The following EIF2AK3 variants were observed in gnomAD, a reference collection of about 807,000 sequenced individuals.
EIF2AK3 encodes the protein eukaryotic translation initiation factor 2 alpha kinase 3.
EIF2AK3 carries 50 observed loss-of-function variants against 113.5 expected under a neutral mutation model. That is an observed-to-expected ratio of 0.44 (90% confidence interval 0.35 to 0.56). EIF2AK3 has a LOEUF of 0.56. Among genes scored for constraint, EIF2AK3 ranks in the 20% least tolerant of loss-of-function variants. The probability of loss-of-function intolerance (pLI) is 0.00; values close to 1 mark genes in which losing one functional copy is unlikely to be tolerated. For missense variants in EIF2AK3, 1,185 were observed against 1,378.0 expected (o/e 0.86, Z 2.22); for synonymous variants, 448 against 495.4 (o/e 0.90, Z 1.27).
chr2:88,557,041 TTTC>T lies in EIF2AK3; in HGVS notation c.*692_*694del, dbSNP rs1454906362. 6.6e-6 allele frequency: 1 copy of T among 152,590 alleles called. No individual in the cohort carries two copies. Among genetic ancestry groups the T allele is most frequent in the Non-Finnish European group, 1.5e-5 (1 of 68,106 alleles). 9.5% of individuals were successfully genotyped at this position (152,590 alleles called of 1,614,324 possible). A position where few individuals can be genotyped will look rare whatever the true frequency, so the allele number is the denominator to read the frequency against. The stretch of plus-strand genomic sequence containing the variant: ...AGTTAGTTGTAATATATATGATCCA[TTTC>T]TTACTACGGCTTTTTTCCTCCCAAA... On this transcript the variant is annotated 3_prime_UTR_variant, in exon 17 of 17. Transcript: ENST00000303236.
At chr2:88,627,481 A>C, upstream of EIF2AK3, 2 of 560,544 alleles carry the variant, frequency 3.6e-6, no homozygotes, top group Non-Finnish European at 5.5e-6. Context: ...GACATCGCCC[A>C]TTGAGCAAAC....
intron 1 of EIF2AK3, among the ~76,000 whole-genome samples, chr2:88,617,257 T>C (rs1428139621): frequency 6.6e-6 from 1 of 152,084 alleles, no homozygotes; most frequent in African/African-American, 2.4e-5. Context: ...CCATCAGCAG[T>C]AAACTGGATA....
intron 14 of EIF2AK3, among the ~76,000 whole-genome samples, chr2:88,565,514 G>A (rs555782899): frequency 6.6e-5 from 10 of 150,870 alleles, no homozygotes; most frequent in Non-Finnish European, 1.3e-4. Flanking sequence ...GCTAATTTTT[G>A]TATTTTTTGT....
At position 88,595,527 on chromosome 2, in the gene EIF2AK3, A is replaced by T. The variant is rs1309491307; in HGVS notation, c.575T>A (p.Val192Asp). 18 of 1,614,070 alleles carry T rather than the reference A, an allele frequency of 1.1e-5. No homozygotes were observed. The highest frequency in any genetic ancestry group is 1.4e-5 in the Non-Finnish European group (16 of 1,179,990). ...CAGAGATTTTCCTCCAACCAAAACA[A>T]CATCATCTCCAAATTTATAAGAAGA... ...LESSYKFGDD[V>D]VLVGGKSLTT... The change falls in exon 3 of 17, where the codon GTT becomes GAT. Residue 192 changes from valine (V) to aspartate (D), a missense_variant. Physicochemically the swap from Val to Asp is radical, Grantham distance 152 (BLOSUM62 -3). Transcript: ENST00000303236.
chr2:88,600,061 A>AT (rs1415888792), intron 2 of EIF2AK3, among the ~76,000 whole-genome samples: 1 of 152,220 alleles, frequency 6.6e-6, no homozygotes, highest in African/African-American at 2.4e-5. Context: ...ACAACAAGGC[A>AT]TTATGATTCA....
At chr2:88,576,966 G>GA (rs908998365) in intron 11 of EIF2AK3, among the ~76,000 whole-genome samples, 4 of 151,690 alleles carry the variant, frequency 2.6e-5, no homozygotes, top group African/African-American at 9.7e-5. Flanking sequence ...ATTAGAAACA[G>GA]ATGAGTTAGC....
At position 88,578,906 on chromosome 2, in the gene EIF2AK3, T is replaced by C. The variant is rs1388068982; in HGVS notation, c.1886+612A>G. ...TAATTCTAACAAATTAGAAACCAAA[T>C]TGTTTAACAATAAGAAATGGTTAAA... On this transcript the variant is annotated intron_variant, in intron 11 of 16. Transcript: ENST00000303236. Among the ~76,000 whole-genome samples the C allele has an allele frequency of 2.0e-5, 3 of 152,302 alleles. No individual in the cohort carries two copies. The East Asian group carries it at 5.8e-4, about 29-fold the overall frequency.
intron 1 of EIF2AK3, among the ~76,000 whole-genome samples, chr2:88,624,239 C>T (rs555222323): frequency 1.6e-4 from 25 of 152,154 alleles, no homozygotes; most frequent in Non-Finnish European, 3.1e-4. Flanking sequence ...GTGATCCACC[C>T]GCCTTGGCCT....
chr2:88,575,026 T>C lies in EIF2AK3; in HGVS notation c.2457A>G (p.Lys819=). 6.2e-7 allele frequency: 1 copy of C among 1,614,222 alleles called. No individual in the cohort carries two copies. Among genetic ancestry groups the C allele is most frequent in the Non-Finnish European group, 8.5e-7 (1 of 1,180,028 alleles). ...GCAATCGATTAGTTTTCGGCTCTTC[T>C]TTACTGGAAGCATTATCACAGCCAG... The part of the protein sequence containing the change: ...EDSGCDNASS[K]EEPKTNRLHI... The change falls in exon 13 of 17, where the codon AAA becomes AAG. Residue 819 remains lysine (K), a synonymous_variant. Coordinates refer to ENST00000303236, the MANE Select transcript of EIF2AK3 (RefSeq NM_004836.7).
At chr2:88,602,671 T>A (rs774385082) in intron 2 of EIF2AK3, among the ~76,000 whole-genome samples, 18 of 152,140 alleles carry the variant, frequency 1.2e-4, no homozygotes, top group Non-Finnish European at 2.5e-4. Flanking sequence ...AATAAAAAGA[T>A]ACAACTCATT....
chr2:88,558,321 CATCTT>C (rs1174366946), intron 16 of EIF2AK3, among the ~76,000 whole-genome samples: 1 of 152,076 alleles, frequency 6.6e-6, no homozygotes, highest in Non-Finnish European at 1.5e-5. Flanking sequence ...TTTTAAAAAT[CATCTT>C]ATAATTGCAT....
rs1466725000 is a variant in EIF2AK3, at chr2:88,593,414, A to T, written c.634-9T>A. ...GAACAGATATACCTCACCTGAAAAG[A>T]CAAAATTAGATACAAAATTAGTAAA... On this transcript the variant is annotated splice_polypyrimidine_tract_variant and intron_variant, in intron 3 of 16. Coordinates refer to ENST00000303236, the MANE Select transcript of EIF2AK3 (RefSeq NM_004836.7). 2.5e-6 allele frequency: 4 copies of T among 1,613,918 alleles called. No individual in the cohort carries two copies.
intron 1 of EIF2AK3, among the ~76,000 whole-genome samples, chr2:88,623,637 G>A (rs1048347666): frequency 6.6e-6 from 1 of 152,116 alleles, no homozygotes; most frequent in African/African-American, 2.4e-5. Flanking sequence ...AATACTCCTT[G>A]AAACAAACAG....
chr2:88,575,134 G>A lies in EIF2AK3; in HGVS notation c.2349C>T (p.His783=). The A allele has an allele frequency of 6.2e-7, 1 of 1,614,164 alleles. No individual in the cohort carries two copies. Among genetic ancestry groups the A allele is most frequent in the Non-Finnish European group, 8.5e-7 (1 of 1,180,000 alleles). Residue 783 remains histidine, a synonymous_variant, in exon 13 of 17, where the codon CAC becomes CAT. Coordinates refer to ENST00000303236, the MANE Select transcript of EIF2AK3 (RefSeq NM_004836.7). ...CTTCAGAAGGACAAAGTTCAAAGGA[G>A]TGCCCCTCATCATTGCCATCCATAG... ...DGTMDGNDEG[H]SFELCPSEAS...
At chr2:88,617,097 A>G (rs997691379) in intron 1 of EIF2AK3, among the ~76,000 whole-genome samples, 1 of 152,218 alleles carries the variant, frequency 6.6e-6, no homozygotes, top group Non-Finnish European at 1.5e-5. Context: ...GCTCATTGGC[A>G]TAATGTAGAT....
chr2:88,585,712 G>T, intron 9 of EIF2AK3, 129 bp downstream of exon 9: 1 of 795,942 alleles, frequency 1.3e-6, no homozygotes, highest in Non-Finnish European at 2.0e-6. Flanking sequence ...ACACAAGGAA[G>T]ATCACTGAGA....
At chr2:88,603,860 C>T (rs1023203092) in intron 2 of EIF2AK3, among the ~76,000 whole-genome samples, 1 of 152,186 alleles carries the variant, frequency 6.6e-6, no homozygotes, top group African/African-American at 2.4e-5. Flanking sequence ...TTTAGCATCT[C>T]TGCTTGGAGA....
At chr2:88,567,329 A>G (rs1045265131) in intron 14 of EIF2AK3, among the ~76,000 whole-genome samples, 1 of 151,926 alleles carries the variant, frequency 6.6e-6, no homozygotes, top group Non-Finnish European at 1.5e-5. Context: ...TTGTATTTCC[A>G]TATCCTTTCC....
chr2:88,575,122 A>G lies in EIF2AK3; in HGVS notation c.2361T>C (p.Leu787=), dbSNP rs199715839. The G allele has an allele frequency of 2.5e-6, 4 of 1,614,220 alleles. No homozygotes were observed. Among genetic ancestry groups the G allele is most frequent in the East Asian group, 2.2e-5 (1 of 44,886 alleles). Residue 787 remains leucine, a synonymous_variant, in exon 13 of 17, where the codon CTT becomes CTC. Transcript: ENST00000303236. ...CATAAGGAGAAGCTTCAGAAGGACA[A>G]AGTTCAAAGGAGTGCCCCTCATCAT... ...DGNDEGHSFE[L]CPSEASPYVR...
Sources: allele counts gnomAD v4.1 joint callset (sites outside exome capture counted in the v4.1 genomes callset), GRCh38; gene constraint gnomAD v4.1.1; transcripts MANE v1.5; gene names NCBI Gene and HGNC (gene_info 2026-07-23, HGNC 2026-07-21).